Variants in DYNC1I1 observed in about 807,000 individuals in gnomAD.
DYNC1I1 encodes cytoplasmic dynein 1 intermediate chain 1.
A neutral mutation model predicts 86.6 loss-of-function variants in DYNC1I1; 43 were observed. The ratio of observed to expected loss-of-function variants is 0.50; its 90% CI spans 0.39 to 0.64. DYNC1I1 has a LOEUF of 0.64. DYNC1I1 is among the 30% of genes least tolerant of loss of function. The pLI, the probability that DYNC1I1 is intolerant of heterozygous loss-of-function variation, is 0.00. For synonymous variants in DYNC1I1, 262 were observed against 283.7 expected (o/e 0.92, Z 0.77); for missense variants, 604 against 788.8 (o/e 0.77, Z 2.81).
intron 4 of DYNC1I1, 44 bp from the exon 5 acceptor site, chr7:95,828,013 T>C: frequency 1.2e-6 from 2 of 1,609,532 alleles, no homozygotes; most frequent in Non-Finnish European, 1.7e-6. Flanking sequence ...CCCTCCCCTT[T>C]TGTTAATTCT....
intron 6 of DYNC1I1, among the ~76,000 whole-genome samples, chr7:95,906,008 G>A (rs912255724): frequency 6.6e-6 from 1 of 152,136 alleles, no homozygotes; most frequent in Non-Finnish European, 1.5e-5. Flanking sequence ...GCTTCCCAAC[G>A]GTAAGGACCC....
chr7:95,825,090 T>C (rs2115909284), intron 4 of DYNC1I1, among the ~76,000 whole-genome samples: 1 of 152,342 alleles, frequency 6.6e-6, no homozygotes, highest in Middle Eastern at 3.4e-3. Context: ...TAACTATGGT[T>C]TCTGTTACTG....
chr7:96,095,494 C>A (rs1790976795), intron 16 of DYNC1I1, among the ~76,000 whole-genome samples: 1 of 152,070 alleles, frequency 6.6e-6, no homozygotes, highest in Admixed American at 6.6e-5. Context: ...TCTTTATGAG[C>A]AAGGTACTGT....
chr7:96,083,738 G>A (rs918545357), intron 16 of DYNC1I1, among the ~76,000 whole-genome samples: 1 of 152,102 alleles, frequency 6.6e-6, no homozygotes, highest in Non-Finnish European at 1.5e-5. Flanking sequence ...AAACAAATAA[G>A]GTATTGAAGA....
At chr7:96,092,650 G>A (rs1177009571) in intron 16 of DYNC1I1, among the ~76,000 whole-genome samples, 1 of 152,122 alleles carries the variant, frequency 6.6e-6, no homozygotes, top group African/African-American at 2.4e-5. Flanking sequence ...GTGGGACCGG[G>A]TTCAGAGGCA....
chr7:95,988,711 A>C (rs944297358), intron 9 of DYNC1I1, among the ~76,000 whole-genome samples: 1 of 152,232 alleles, frequency 6.6e-6, no homozygotes, highest in Non-Finnish European at 1.5e-5. Context: ...TGCACAGCAC[A>C]GTTTCTGCTT....
chr7:95,941,604 G>A (rs1430268024), intron 6 of DYNC1I1, among the ~76,000 whole-genome samples: 3 of 152,230 alleles, frequency 2.0e-5, no homozygotes, highest in Non-Finnish European at 1.5e-5. Flanking sequence ...GACCCTCCGA[G>A]CCAGGTGCAG....
At chr7:95,940,737 G>A (rs1792187638) in intron 6 of DYNC1I1, among the ~76,000 whole-genome samples, 1 of 152,128 alleles carries the variant, frequency 6.6e-6, no homozygotes, top group South Asian at 2.1e-4. Context: ...CTTTGCCTTT[G>A]GTTTGAATTT....
chr7:96,071,098 A>G (rs1790145694), intron 14 of DYNC1I1, among the ~76,000 whole-genome samples: 1 of 152,220 alleles, frequency 6.6e-6, no homozygotes, highest in Admixed American at 6.5e-5. Flanking sequence ...AATTGATCAA[A>G]TAAGAAGTTT....
intron 1 of DYNC1I1, among the ~76,000 whole-genome samples, chr7:95,799,104 C>T (rs918925614): frequency 1.3e-5 from 2 of 152,112 alleles, no homozygotes; most frequent in African/African-American, 4.8e-5. Context: ...AACTGAGGGG[C>T]CGGGTGTGGT....
intron 1 of DYNC1I1, among the ~76,000 whole-genome samples, chr7:95,796,914 T>C (rs1423928119): frequency 2.0e-5 from 3 of 152,110 alleles, no homozygotes; most frequent in African/African-American, 7.2e-5. Flanking sequence ...AATGATGATA[T>C]TAAAGCAATC....
chr7:95,991,903 C>T (rs907380690), intron 9 of DYNC1I1, among the ~76,000 whole-genome samples: 15 of 152,228 alleles, frequency 9.9e-5, no homozygotes, highest in Admixed American at 9.8e-4. Flanking sequence ...CTCTGTCACC[C>T]TAGCTGGAGT....
At chr7:95,862,647 C>T (rs1034533002) in intron 5 of DYNC1I1, among the ~76,000 whole-genome samples, 1 of 152,056 alleles carries the variant, frequency 6.6e-6, no homozygotes, top group South Asian at 2.1e-4. Context: ...TTTGACAGGT[C>T]CTCAAAAAGT....
chr7:96,028,043 TC>T (rs1794722618), intron 10 of DYNC1I1, 131 bp from the exon 11 acceptor site: 1 of 1,313,320 alleles, frequency 7.6e-7, no homozygotes, highest in Admixed American at 2.1e-5. Context: ...ACTTTTACAG[TC>T]CCAGCTTTAA....
At chr7:95,924,311 A>G (rs1025075077) in intron 6 of DYNC1I1, among the ~76,000 whole-genome samples, 5 of 152,166 alleles carry the variant, frequency 3.3e-5, no homozygotes, top group African/African-American at 4.8e-5. Flanking sequence ...GCTACTGTGC[A>G]TTTGAAATGT....
intron 1 of DYNC1I1, among the ~76,000 whole-genome samples, chr7:95,777,810 T>C: frequency 6.6e-6 from 1 of 152,182 alleles, no homozygotes; most frequent in African/African-American, 2.4e-5. Flanking sequence ...TCCAGTGTGC[T>C]TCATTATGCT....
rs1490603059 is a variant in DYNC1I1, at chr7:95,820,618, A to G, written c.314+7281A>G. On this transcript the variant is annotated intron_variant, in intron 4 of 16. Transcript: ENST00000447467. ...CCATCTTAGAGAGAAAAGGAAGAAC[A>G]TGAAAATTTGAGTTCCAGTGCAGTT... Among the ~76,000 whole-genome samples, 3 of 152,390 alleles carry G rather than the reference A, an allele frequency of 2.0e-5. No homozygotes were observed. The East Asian group carries it at 5.8e-4, about 29-fold the overall frequency.
intron 10 of DYNC1I1, among the ~76,000 whole-genome samples, chr7:96,027,569 A>C (rs1007792496): frequency 6.6e-6 from 1 of 152,202 alleles, no homozygotes; most frequent in African/African-American, 2.4e-5. Context: ...AATTTTCTGA[A>C]GTGGGCAGAA....
Position 95,903,104 on chromosome 7 carries a change from G to T in DYNC1I1, c.490+33106G>T, listed in dbSNP as rs555386614. Among the ~76,000 whole-genome samples, 10 of 152,260 alleles carry T rather than the reference G, an allele frequency of 6.6e-5. No individual in the cohort carries two copies. The East Asian group carries it at 1.9e-3, about 29-fold the overall frequency. Reference sequence around the variant, plus strand: ...AGTGCAAAATATTACAGTACTCCATGGCCAAATCTTGGTAGCAAGTATTTT... The same window carrying T: ...AGTGCAAAATATTACAGTACTCCATTGCCAAATCTTGGTAGCAAGTATTTT... On this transcript the variant is annotated intron_variant, in intron 6 of 16. Transcript: ENST00000447467.
Sources: allele counts gnomAD v4.1 joint callset (sites outside exome capture counted in the v4.1 genomes callset), GRCh38; gene constraint gnomAD v4.1.1; transcripts MANE v1.5; gene names NCBI Gene and HGNC (gene_info 2026-07-23, HGNC 2026-07-21).